RMND5A: variants seen among roughly 807,000 people sequenced by gnomAD.
The protein encoded by RMND5A is E3 ubiquitin-protein transferase RMND5A.
A neutral mutation model predicts 49.7 loss-of-function variants in RMND5A; 17 were observed. That is an observed-to-expected ratio of 0.34 (90% CI 0.23 to 0.51). RMND5A has a LOEUF of 0.51. Ranked by LOEUF, RMND5A falls within the 20% of genes least tolerant of loss-of-function variation. RMND5A has a pLI of 0.96. For synonymous variants in RMND5A, 156 were observed against 167.7 expected (o/e 0.93, Z 0.54); for missense variants, 255 against 471.3 (o/e 0.54, Z 4.25).
intron 4 of RMND5A, among the ~76,000 whole-genome samples, chr2:86,760,023 T>G (rs1218370278): frequency 6.6e-6 from 1 of 152,072 alleles, no homozygotes; most frequent in Non-Finnish European, 1.5e-5. Flanking sequence ...CACTGAGATC[T>G]CTGTGTCCTT....
At chr2:86,764,051 G>A (rs1672551478) in intron 4 of RMND5A, among the ~76,000 whole-genome samples, 1 of 152,178 alleles carries the variant, frequency 6.6e-6, no homozygotes, top group Non-Finnish European at 1.5e-5. Flanking sequence ...CAGTAAAAGT[G>A]CAGCTCTGTG....
Position 86,720,714 on chromosome 2 carries a change from A to G in RMND5A, c.47A>G (p.His16Arg). ...GAGCGCGAGCTGGAGAAGGTGCTGCACAAGTTCTCAGGCTACGGGCAGCTG... is the reference window on the plus strand; with the variant it reads ...GAGCGCGAGCTGGAGAAGGTGCTGCGCAAGTTCTCAGGCTACGGGCAGCTG... ...TVERELEKVLHKFSGYGQLCE... is the reference protein window; with the variant it reads ...TVERELEKVLRKFSGYGQLCE... The change falls in exon 1 of 9, where the codon CAC becomes CGC. Residue 16 changes from histidine to arginine, a missense_variant. Transcript: ENST00000283632. 6.3e-7 allele frequency: 1 copy of G among 1,583,824 alleles called. No individual in the cohort carries two copies. Among genetic ancestry groups the G allele is most frequent in the Non-Finnish European group, 8.6e-7 (1 of 1,166,474 alleles).
chr2:86,748,975 C>CATAA (rs1191046669), intron 2 of RMND5A, among the ~76,000 whole-genome samples: 1 of 152,174 alleles, frequency 6.6e-6, no homozygotes, highest in Non-Finnish European at 1.5e-5. Context: ...TCTATTCTTT[C>CATAA]CTTATACTGT....
At chr2:86,761,377 T>A (rs1424263907) in intron 4 of RMND5A, among the ~76,000 whole-genome samples, 1 of 152,190 alleles carries the variant, frequency 6.6e-6, no homozygotes, top group Non-Finnish European at 1.5e-5. Flanking sequence ...CCTATGCTTA[T>A]TTGGCCAGTT....
intron 7 of RMND5A, 66 bp from the exon 8 acceptor site, chr2:86,771,489 ATAT>A (rs1558728068): frequency 7.1e-7 from 1 of 1,399,648 alleles, no homozygotes; most frequent in Non-Finnish European, 9.9e-7. Context: ...TGCACAGTGT[ATAT>A]TACCATGTGG....
At chr2:86,742,658 G>C (rs1357222341) in intron 2 of RMND5A, among the ~76,000 whole-genome samples, 1 of 151,990 alleles carries the variant, frequency 6.6e-6, no homozygotes, top group African/African-American at 2.4e-5. Flanking sequence ...GTAACTACTG[G>C]TGGTGTCTAA....
At chr2:86,743,043 T>C (rs988611482) in intron 2 of RMND5A, among the ~76,000 whole-genome samples, 8 of 152,304 alleles carry the variant, frequency 5.3e-5, no homozygotes, top group Admixed American at 3.9e-4. Flanking sequence ...GTTTATGTTT[T>C]TTGTCCTGTC....
At position 86,743,364 on chromosome 2, in the gene RMND5A, C is replaced by T. The variant is rs563035324; in HGVS notation, c.285+2295C>T. Among the ~76,000 whole-genome samples the T allele has an allele frequency of 3.3e-4, 47 of 142,194 alleles. No individual in the cohort carries two copies. In the Middle Eastern group the frequency reaches 0.021, roughly 65 times the overall value. 93.3% of individuals were successfully genotyped at this position (142,194 alleles called of 152,430 possible). A position where few individuals can be genotyped will look rare whatever the true frequency, so the allele number is the denominator to read the frequency against. On this transcript the variant is annotated intron_variant, in intron 2 of 8. Transcript: ENST00000283632. ...AATTTACTCATTGCTCTTTTGAGGACTTTTTTTTTTTTTATGCCCTTGGAA... is the reference window on the plus strand; with the variant it reads ...AATTTACTCATTGCTCTTTTGAGGATTTTTTTTTTTTTTATGCCCTTGGAA...
At chr2:86,763,017 T>C (rs536636347) in intron 4 of RMND5A, among the ~76,000 whole-genome samples, 88 of 152,148 alleles carry the variant, frequency 5.8e-4, no homozygotes, top group Non-Finnish European at 9.6e-4. Flanking sequence ...CACTGCAGCC[T>C]GGGCAACGAA....
rs928547207 is a variant in RMND5A at position 86,777,460 on chromosome 2, A to C, written c.*4049A>C. 1 of 152,192 alleles carries C rather than the reference A, an allele frequency of 6.6e-6. No homozygotes were observed. The highest frequency in any genetic ancestry group is 1.5e-5 in the Non-Finnish European group (1 of 68,026). The allele number at this position is 152,192 out of a possible 1,614,324, so 9.4% of individuals were successfully genotyped here. ...TTCACCATTGCCCCCACCTGCACCT[A>C]GCAAGGAACAGGTGTTTGATGTATT... On this transcript the variant is annotated 3_prime_UTR_variant, in exon 9 of 9. Transcript: ENST00000283632.
intron 5 of RMND5A, 97 bp from the exon 6 acceptor site, chr2:86,765,762 T>C: frequency 9.8e-7 from 1 of 1,025,458 alleles, no homozygotes; most frequent in Non-Finnish European, 1.4e-6. Context: ...TGTTAATACA[T>C]TATTTTAGGC....
chr2:86,757,323 C>G (rs1178414502), intron 4 of RMND5A, among the ~76,000 whole-genome samples: 3 of 152,068 alleles, frequency 2.0e-5, no homozygotes, highest in Non-Finnish European at 4.4e-5. Context: ...CTCCTGTGTT[C>G]CGTGCCCTTG....
chr2:86,750,445 C>A (rs761146280), intron 2 of RMND5A, among the ~76,000 whole-genome samples: 1 of 152,194 alleles, frequency 6.6e-6, no homozygotes, highest in South Asian at 2.1e-4. Context: ...TTTCTGGCCT[C>A]CATAGTTTCT....
At chr2:86,758,261 A>G (rs765190244) in intron 4 of RMND5A, among the ~76,000 whole-genome samples, 2 of 152,212 alleles carry the variant, frequency 1.3e-5, no homozygotes, top group Non-Finnish European at 2.9e-5. Flanking sequence ...TGTATTATGT[A>G]TACGTACATT....
intron 4 of RMND5A, among the ~76,000 whole-genome samples, chr2:86,764,456 T>C (rs1390447872): frequency 6.6e-6 from 1 of 152,196 alleles, no homozygotes. Context: ...TTTTTTCCCT[T>C]ATTAGAACTA....
chr2:86,770,227 A>G, intron 7 of RMND5A, 102 bp downstream of exon 7: 2 of 850,478 alleles, frequency 2.4e-6, no homozygotes, highest in Non-Finnish European at 4.0e-6. Context: ...CATTGTAGCC[A>G]TTTGACAGGA....
intron 4 of RMND5A, among the ~76,000 whole-genome samples, chr2:86,755,418 G>A (rs1048497063): frequency 2.6e-5 from 4 of 152,244 alleles, no homozygotes; most frequent in Non-Finnish European, 4.4e-5. Context: ...CAATGTGCCC[G>A]AGAAAGCCTA....
chr2:86,721,589 G>A (rs1209724190), intron 1 of RMND5A, among the ~76,000 whole-genome samples: 2 of 151,788 alleles, frequency 1.3e-5, no homozygotes, highest in Admixed American at 1.3e-4. Flanking sequence ...TTTTCCTATA[G>A]AAGGTGTTTC....
rs1672688680 is a variant in RMND5A, at chr2:86,771,729, T to TA, written c.1112+23dup. On this transcript the variant is annotated intron_variant, in intron 8 of 8. Coordinates refer to ENST00000283632, the MANE Select transcript of RMND5A (RefSeq NM_022780.4). ...TGGTAGCAAGTAAGTGTCTGACTTT[T>TA]AAAAAATGTTAGCAAATAAATTTTG... 3.1e-6 allele frequency: 5 copies of TA among 1,588,522 alleles called. No homozygotes were observed. The highest frequency in any genetic ancestry group is 4.3e-6 in the Non-Finnish European group (5 of 1,162,040).
Sources: gnomAD v4.1 joint callset for allele counts (sites outside exome capture counted in the v4.1 genomes callset) on GRCh38, gnomAD v4.1.1 for gene constraint, MANE v1.5 for transcripts, NCBI Gene and HGNC (gene_info 2026-07-23, HGNC 2026-07-21) for gene names.